CACNA1D: variants seen among roughly 807,000 people sequenced by gnomAD.
The protein encoded by CACNA1D is voltage-dependent L-type calcium channel subunit alpha-1D.
Under a neutral mutation model 257.1 loss-of-function variants are expected in CACNA1D, and 55 were observed. That is an observed-to-expected ratio of 0.21 (90% CI 0.17 to 0.27). The LOEUF (loss-of-function observed/expected upper bound fraction) is 0.27. Among genes scored for constraint, CACNA1D ranks in the 10% least tolerant of loss-of-function variants. The pLI is 1.00. For synonymous variants in CACNA1D, 980 were observed against 1,014.9 expected (o/e 0.97, Z 0.65); for missense variants, 1,876 against 2,784.0 (o/e 0.67, Z 7.34).
In CACNA1D at chr3:53,758,233, C is replaced by G. The variant is rs1201908991; in HGVS notation, c.3787-3765C>G. Reference sequence around the variant, plus strand: ...GTTAGAAAGCTGTCAGGCATAGTTTCTACCAAAAGTTGGCACTTTGGGTTA... The same window carrying G: ...GTTAGAAAGCTGTCAGGCATAGTTTGTACCAAAAGTTGGCACTTTGGGTTA... On this transcript the variant is annotated intron_variant, in intron 29 of 47. Coordinates refer to ENST00000350061, the MANE Select transcript of CACNA1D (RefSeq NM_001128840.3). 1.3e-5 allele frequency among the ~76,000 whole-genome samples: 2 copies of G among 152,200 alleles called. 1 individual carries two copies. The highest frequency in any genetic ancestry group is 6.3e-3 in the Middle Eastern group (2 of 316).
intron 8 of CACNA1D, among the ~76,000 whole-genome samples, chr3:53,691,923 T>TATATATATTACATATATTATATATA (rs2094533094): frequency 1.6e-5 from 1 of 62,228 alleles, no homozygotes; most frequent in African/African-American, 6.3e-5. Context: ...TAATATATAT[T>TATATATATTACATATATTATATATA]ATATATATTA....
At chr3:53,698,695 C>T (rs1431836227) in intron 8 of CACNA1D, among the ~76,000 whole-genome samples, 4 of 152,168 alleles carry the variant, frequency 2.6e-5, no homozygotes, top group Non-Finnish European at 5.9e-5. Context: ...TTCCTTTGGC[C>T]TAATTCATTC....
At chr3:53,568,975 T>C (rs2092897721) in intron 3 of CACNA1D, among the ~76,000 whole-genome samples, 1 of 152,198 alleles carries the variant, frequency 6.6e-6, no homozygotes. Flanking sequence ...CTCACTGTAC[T>C]TGATTCCACA....
At chr3:53,648,356 T>G (rs1316034209) in intron 3 of CACNA1D, among the ~76,000 whole-genome samples, 1 of 152,208 alleles carries the variant, frequency 6.6e-6, no homozygotes, top group East Asian at 1.9e-4. Flanking sequence ...GCACTGTGGG[T>G]TGGCATTTTC....
Position 53,718,637 on chromosome 3 carries a change from G to A in CACNA1D, c.1478+249G>A, listed in dbSNP as rs373016783. 125 of 1,350,836 alleles carry A rather than the reference G, an allele frequency of 9.3e-5. 2 individuals are homozygous for A. The Middle Eastern group carries it at 2.3e-3, about 25-fold the overall frequency. The allele number at this position is 1,350,836 out of a possible 1,614,324, so 83.7% of individuals were successfully genotyped here. On this transcript the variant is annotated intron_variant, in intron 10 of 47. Transcript: ENST00000350061. ...ATGCCTCTTCCTGTAAGTAGAGCCC[G>A]TGAAGAATGTGGTGGTTAACCTGGC...
chr3:53,738,150 C>T (rs2095077491), intron 20 of CACNA1D, among the ~76,000 whole-genome samples: 1 of 152,166 alleles, frequency 6.6e-6, no homozygotes, highest in Non-Finnish European at 1.5e-5. Context: ...TGGTGGGCAC[C>T]TTTTTCTGAG....
chr3:53,567,531 A>G (rs2092866945), intron 3 of CACNA1D, among the ~76,000 whole-genome samples: 1 of 152,166 alleles, frequency 6.6e-6, no homozygotes, highest in African/African-American at 2.4e-5. Context: ...TTCAAAATAG[A>G]GCTGTATTTC....
intron 9 of CACNA1D, among the ~76,000 whole-genome samples, chr3:53,712,780 T>A (rs1409027682): frequency 6.6e-6 from 1 of 152,150 alleles, no homozygotes; most frequent in Non-Finnish European, 1.5e-5. Flanking sequence ...CTAAAATAAA[T>A]TCCTGAGTGT....
rs374032095 is a variant in CACNA1D at position 53,736,201 on chromosome 3, C to T, written c.2751+698C>T. Among the ~76,000 whole-genome samples the T allele has an allele frequency of 2.2e-4, 34 of 152,058 alleles. No homozygotes were observed. In the East Asian group the frequency reaches 3.9e-3, roughly 17 times the overall value. On this transcript the variant is annotated intron_variant, in intron 20 of 47. Transcript: ENST00000350061. ...CAAAAAATAAAAAAAATTAGCTGAG[C>T]GTGGTGTCACATACCTGCAGTCCCA...
In CACNA1D at chr3:53,780,172, G is replaced by C. The variant is rs372640824; in HGVS notation, c.4690+44G>C. On this transcript the variant is annotated intron_variant, in intron 38 of 47. Coordinates refer to ENST00000350061, the MANE Select transcript of CACNA1D (RefSeq NM_001128840.3). ...CAAGACAAGATGGCAGGAAAGGAGA[G>C]AGACATCACATCCCATCTTGCCTTC... 5.5e-5 allele frequency: 78 copies of C among 1,406,772 alleles called. 1 individual carries two copies. Among genetic ancestry groups the C allele is most frequent in the Middle Eastern group, 1.8e-4 (1 of 5,514 alleles). The allele number at this position is 1,406,772 out of a possible 1,614,324, so 87.1% of individuals were successfully genotyped here.
At chr3:53,659,085 C>T (rs1490788870) in intron 4 of CACNA1D, among the ~76,000 whole-genome samples, 2 of 152,206 alleles carry the variant, frequency 1.3e-5, no homozygotes, top group Non-Finnish European at 2.9e-5. Flanking sequence ...TTCCCACAAT[C>T]TGATTGGCCA....
chr3:53,624,324 T>C (rs1242712840), intron 3 of CACNA1D, among the ~76,000 whole-genome samples: 1 of 152,224 alleles, frequency 6.6e-6, no homozygotes, highest in Non-Finnish European at 1.5e-5. Context: ...AACTGATCTA[T>C]GTAGTAATAA....
At chr3:53,780,619 A>G (rs2095420723) in intron 38 of CACNA1D, among the ~76,000 whole-genome samples, 1 of 152,220 alleles carries the variant, frequency 6.6e-6, no homozygotes, top group African/African-American at 2.4e-5. Flanking sequence ...CACTTGAGAA[A>G]TATAGTGGGA....
At chr3:53,663,905 A>G (rs1170936844) in intron 5 of CACNA1D, among the ~76,000 whole-genome samples, 2 of 151,964 alleles carry the variant, frequency 1.3e-5, no homozygotes, top group African/African-American at 4.8e-5. Flanking sequence ...AGCTGGGACT[A>G]CAGGCGCACA....
At chr3:53,537,802 G>A (rs1413034178) in intron 3 of CACNA1D, among the ~76,000 whole-genome samples, 3 of 152,122 alleles carry the variant, frequency 2.0e-5, no homozygotes, top group Non-Finnish European at 2.9e-5. Context: ...CTTGTTAGAG[G>A]TTTTACATCC....
In CACNA1D at chr3:53,789,233, G is replaced by A. The variant is rs2095471799; in HGVS notation, c.4923+2281G>A. On this transcript the variant is annotated intron_variant, in intron 40 of 47. Transcript: ENST00000350061. The surrounding 1 kb of genome is among the most constrained non-coding windows in gnomAD (Gnocchi z 4.2). ...AACATATTTTCGCATGGCTCCATTG[G>A]GAGCTGAAGCATCGTCTGTAATTTA... Among the ~76,000 whole-genome samples the A allele has an allele frequency of 6.6e-6, 1 of 152,166 alleles. No homozygotes were observed. Among genetic ancestry groups the A allele is most frequent in the African/African-American group, 2.4e-5 (1 of 41,428 alleles).
rs571510894 is a variant in CACNA1D, at chr3:53,518,691, C to T, written c.483+16971C>T. Reference sequence around the variant, plus strand: ...TCCTGTTGTCACTGACCTTACTCCCCGTCTTTTCTTTAAGAAACTCTTGAG... The same window carrying T: ...TCCTGTTGTCACTGACCTTACTCCCTGTCTTTTCTTTAAGAAACTCTTGAG... On this transcript the variant is annotated intron_variant, in intron 3 of 47. Coordinates refer to ENST00000350061, the MANE Select transcript of CACNA1D (RefSeq NM_001128840.3). 1.1e-4 allele frequency among the ~76,000 whole-genome samples: 17 copies of T among 152,224 alleles called. No individual in the cohort carries two copies. In the South Asian group the frequency reaches 3.1e-3, roughly 28 times the overall value.
chr3:53,667,841 A>ATGTGTGTGTGTG (rs61605595), intron 7 of CACNA1D, among the ~76,000 whole-genome samples: 1 of 149,902 alleles, frequency 6.7e-6, no homozygotes, highest in South Asian at 2.1e-4. Context: ...GTGTGTATGC[A>ATGTGTGTGTGTG]TGTGTGTGTG....
At chr3:53,696,237 G>T (rs186143445) in intron 8 of CACNA1D, among the ~76,000 whole-genome samples, 72 of 152,316 alleles carry the variant, frequency 4.7e-4, no homozygotes, top group Non-Finnish European at 8.7e-4. Flanking sequence ...CAAAATGTTG[G>T]TATTTCAGGC....
Sources: gnomAD v4.1 joint callset for allele counts (sites outside exome capture counted in the v4.1 genomes callset) on GRCh38, gnomAD v4.1.1 for gene constraint, Gnocchi (gnomAD v3.1) non-coding constraint, MANE v1.5 for transcripts, NCBI Gene and HGNC (gene_info 2026-07-23, HGNC 2026-07-21) for gene names.